Variants in TOP2B observed in about 807,000 individuals in gnomAD.
TOP2B encodes DNA topoisomerase 2-beta.
Under a neutral mutation model 193.5 loss-of-function variants are expected in TOP2B, and 51 were observed. The observed-to-expected ratio is 0.26, with a 90% CI of 0.21 to 0.33. TOP2B has a LOEUF of 0.33. TOP2B is among the 10% of genes least tolerant of loss of function. The pLI is 1.00. For missense variants in TOP2B, 1,378 were observed against 1,909.3 expected, an observed-to-expected ratio of 0.72 and a Z score of 5.19; for synonymous variants, 634 against 635.7, an observed-to-expected ratio of 1.00 and a Z score of 0.04.
intron 23 of TOP2B, 64 bp from the exon 24 acceptor site, chr3:25,618,913 C>G (rs879906365): frequency 2.2e-5 from 26 of 1,203,804 alleles, no homozygotes; most frequent in Non-Finnish European, 3.0e-5. Flanking sequence ...ACTTATATAA[C>G]ATCTACAATA....
At chr3:25,661,877 G>T (rs549561486) in intron 1 of TOP2B, among the ~76,000 whole-genome samples, 37 of 152,228 alleles carry the variant, frequency 2.4e-4, no homozygotes, top group Admixed American at 1.8e-3. Flanking sequence ...CCAGAAGAAA[G>T]AAATCAGGGG....
chr3:25,656,068 T>C (rs999988842), intron 1 of TOP2B, among the ~76,000 whole-genome samples: 5 of 152,224 alleles, frequency 3.3e-5, no homozygotes, highest in Non-Finnish European at 5.9e-5. Flanking sequence ...TAGATGACTT[T>C]GTCTAATATT....
chr3:25,612,121 T>C (rs865950419), intron 28 of TOP2B, among the ~76,000 whole-genome samples: 9 of 152,116 alleles, frequency 5.9e-5, no homozygotes, highest in Middle Eastern at 3.4e-3. Context: ...TTTTGTATTT[T>C]TTAGTAGAGA....
intron 1 of TOP2B, among the ~76,000 whole-genome samples, chr3:25,657,267 G>C (rs1703773649): frequency 6.6e-6 from 1 of 152,130 alleles, no homozygotes; most frequent in South Asian, 2.1e-4. Context: ...ATCAAAATCT[G>C]GGGTAAGGGG....
chr3:25,664,155 C>G (rs1559513769), intron 1 of TOP2B, 74 bp downstream of exon 1: 2 of 1,527,778 alleles, frequency 1.3e-6, no homozygotes, highest in Non-Finnish European at 1.8e-6. Flanking sequence ...TCCCCTCCCC[C>G]GCCCGTTCGG....
At chr3:25,624,242 T>A in intron 20 of TOP2B, 55 bp downstream of exon 20, 1 of 1,582,298 alleles carries the variant, frequency 6.3e-7, no homozygotes, top group Non-Finnish European at 8.7e-7. Context: ...GAACATTTAG[T>A]TAGTTGGTTC....
intron 13 of TOP2B, 49 bp downstream of exon 13, chr3:25,629,979 GA>G: frequency 6.6e-7 from 1 of 1,505,336 alleles, no homozygotes; most frequent in Non-Finnish European, 8.9e-7. Flanking sequence ...ATTAAAGGGA[GA>G]ATCTGAAGAA....
intron 8 of TOP2B, among the ~76,000 whole-genome samples, chr3:25,633,141 G>T (rs1321608207): frequency 1.3e-5 from 2 of 152,012 alleles, no homozygotes; most frequent in Admixed American, 6.6e-5. Context: ...ATTTAGGGTT[G>T]GTTAAGGGCT....
intron 34 of TOP2B, 39 bp from the exon 35 acceptor site, chr3:25,599,568 G>A: frequency 1.3e-6 from 2 of 1,559,810 alleles, no homozygotes; most frequent in South Asian, 2.3e-5. Flanking sequence ...CCGTGGTTAA[G>A]TGCAATATAA....
At chr3:25,659,521 A>G (rs1182672221) in intron 1 of TOP2B, among the ~76,000 whole-genome samples, 1 of 152,208 alleles carries the variant, frequency 6.6e-6, no homozygotes, top group Non-Finnish European at 1.5e-5. Context: ...ATCTCCATGA[A>G]ATAGACACTG....
chr3:25,610,675 A>G (rs1268695601), intron 28 of TOP2B, among the ~76,000 whole-genome samples: 3 of 152,248 alleles, frequency 2.0e-5, no homozygotes, highest in Non-Finnish European at 4.4e-5. Context: ...ATTTGTGCAT[A>G]GTCAGTGGGG....
Position 25,609,592 on chromosome 3 carries a change from G to C in TOP2B, c.3907C>G (p.Pro1303Ala), listed in dbSNP as rs1702319009. ...CCAGGCTCCTTCTTCTCCCTCTTAGGTTTGGGACCTTTATTTATAGGAACT... is the reference window on the plus strand; with the variant it reads ...CCAGGCTCCTTCTTCTCCCTCTTAGCTTTGGGACCTTTATTTATAGGAACT... ...PSVPINKGPK[P>A]KREKKEPGTR... The change falls in exon 29 of 36, where the codon CCT becomes GCT. Residue 1303 changes from proline (P) to alanine (A), a missense_variant. Physicochemically the swap from Pro to Ala is conservative, Grantham distance 27 (BLOSUM62 -1). Transcript: ENST00000264331. 1.4e-5 allele frequency: 23 copies of C among 1,604,906 alleles called. No homozygotes were observed. The highest frequency in any genetic ancestry group is 2.0e-5 in the Non-Finnish European group (23 of 1,175,460).
rs1702260491 is a variant in TOP2B, at chr3:25,607,312, TCATCATCATCAG to T, written c.4145_4156del (p.Ala1382_Asp1385del). On this transcript the variant is annotated inframe_deletion, in exon 31 of 36. Transcript: ENST00000264331. ...TTCCTCTAAATCATTATTGTCATCATCATCATCATCAGCATCATCATCCTCTTCTTCTGAGAA... is the reference window on the plus strand; with the variant it reads ...TTCCTCTAAATCATTATTGTCATCATCATCATCATCCTCTTCTTCTGAGAA... 1.3e-6 allele frequency: 2 copies of T among 1,554,216 alleles called. No individual in the cohort carries two copies. The highest frequency in any genetic ancestry group is 1.2e-5 in the South Asian group (1 of 84,426).
At chr3:25,628,554 A>C (rs1304151588) in intron 15 of TOP2B, among the ~76,000 whole-genome samples, 2 of 152,218 alleles carry the variant, frequency 1.3e-5, no homozygotes, top group African/African-American at 4.8e-5. Context: ...TACATACTGA[A>C]GTAGTTATAG....
intron 28 of TOP2B, 58 bp from the exon 29 acceptor site, chr3:25,609,770 G>T (rs1349150289): frequency 1.9e-5 from 27 of 1,410,180 alleles, no homozygotes; most frequent in Non-Finnish European, 2.3e-5. Flanking sequence ...ACATATTTTA[G>T]AGATAGTTTC....
Position 25,647,944 on chromosome 3 carries a change from G to A in TOP2B, c.70-2474C>T, listed in dbSNP as rs150650134. ...AACAATCCAACTGCCTTTGTGATAA[G>A]TTCCAGCACCCCAGGTGAGCATAAA... On this transcript the variant is annotated intron_variant, in intron 1 of 35. Transcript: ENST00000264331. Among the ~76,000 whole-genome samples the A allele has an allele frequency of 3.3e-5, 5 of 152,288 alleles. No homozygotes were observed. In the East Asian group the frequency reaches 9.6e-4, roughly 29 times the overall value.
chr3:25,664,718 A>G lies in TOP2B; in HGVS notation c.-421T>C, dbSNP rs2125417804. The G allele has an allele frequency of 1.0e-6, 1 of 984,292 alleles. No homozygotes were observed. 61.0% of individuals were successfully genotyped at this position (984,292 alleles called of 1,614,324 possible). A position where few individuals can be genotyped will look rare whatever the true frequency, so the allele number is the denominator to read the frequency against. On this transcript the variant is annotated 5_prime_UTR_variant, in exon 1 of 36. Transcript: ENST00000264331. The stretch of plus-strand genomic sequence containing the variant: ...CGCAGAGGTGCCTTGTCCTTCTCAC[A>G]CTCCGCGAAGGCCAGCCACTCGAGT...
chr3:25,634,241 A>C (rs1214677790), intron 7 of TOP2B, among the ~76,000 whole-genome samples: 2 of 152,266 alleles, frequency 1.3e-5, no homozygotes, highest in East Asian at 3.9e-4. Context: ...AGGGACAGGT[A>C]AATTGTTATA....
rs375222766 is a variant in TOP2B, at chr3:25,624,277, T to C, written c.2495+20A>G. The C allele has an allele frequency of 1.3e-5, 21 of 1,612,932 alleles. No individual in the cohort carries two copies. The African/African-American group carries it at 2.1e-4, about 16-fold the overall frequency. On this transcript the variant is annotated intron_variant, in intron 20 of 35. Coordinates refer to ENST00000264331, the MANE Select transcript of TOP2B (RefSeq NM_001330700.2). ...CCAAATCAAATCAAACTTTATACCA[T>C]TATATCAGCAAATATTTACCTTAAC...
Sources: gnomAD v4.1 joint callset for allele counts (sites outside exome capture counted in the v4.1 genomes callset) on GRCh38, gnomAD v4.1.1 for gene constraint, MANE v1.5 for transcripts, NCBI Gene and HGNC (gene_info 2026-07-23, HGNC 2026-07-21) for gene names.